Variants in LRP1B observed in about 807,000 individuals in gnomAD.
LRP1B encodes the protein low-density lipoprotein receptor-related protein 1B.
Under a neutral mutation model 556.6 loss-of-function variants are expected in LRP1B, and 217 were observed. The observed-to-expected ratio is 0.39, with a 90% CI of 0.35 to 0.44. The LOEUF is 0.44. Among genes scored for constraint, LRP1B ranks in the 20% least tolerant of loss-of-function variants. LRP1B has a pLI of 1.00. For synonymous variants in LRP1B, 2,047 were observed against 1,865.8 expected (o/e 1.10, Z -2.50); for missense variants, 5,053 against 5,620.8 (o/e 0.90, Z 3.23).
intron 1 of LRP1B, among the ~76,000 whole-genome samples, chr2:142,110,125 C>T (rs927295004): frequency 2.6e-5 from 4 of 152,034 alleles, no homozygotes; most frequent in African/African-American, 9.7e-5. Context: ...CACTTAGAAG[C>T]ATTGAACATG....
chr2:141,715,750 G>A (rs892456552), intron 2 of LRP1B, among the ~76,000 whole-genome samples: 2 of 152,158 alleles, frequency 1.3e-5, no homozygotes, highest in Non-Finnish European at 2.9e-5. Context: ...GGGAGGCAGA[G>A]GTTGTAGTGA....
At position 140,867,812 on chromosome 2, in the gene LRP1B, G is replaced by A. The variant is rs2105154353; in HGVS notation, c.4357C>T (p.Leu1453Phe). 6.4e-7 allele frequency: 1 copy of A among 1,570,430 alleles called. No individual in the cohort carries two copies. Among genetic ancestry groups the A allele is most frequent in the South Asian group, 1.2e-5 (1 of 83,968 alleles). Reference protein sequence around the residue: ...DARSDAIYSALYDGTNMIEII... With the variant: ...DARSDAIYSAFYDGTNMIEII... The stretch of plus-strand genomic sequence containing the variant: ...TCTATCATGTTTGTTCCATCATAGA[G>A]GGCTGAATAAATAGCATCTGACCTA... Residue 1453 changes from leucine (L) to phenylalanine (F), a missense_variant, in exon 27 of 91, where the codon CTC becomes TTC. By Grantham distance (22) the Leu-to-Phe change is conservative. This residue lies in a region of LRP1B where 3,619 missense variants were observed against 3,931.9 expected (regional missense o/e 0.92). Coordinates refer to ENST00000389484, the MANE Select transcript of LRP1B (RefSeq NM_018557.3).
intron 57 of LRP1B, among the ~76,000 whole-genome samples, chr2:140,490,680 A>G (rs762714202): frequency 6.6e-6 from 1 of 152,120 alleles, no homozygotes; most frequent in African/African-American, 2.4e-5. Flanking sequence ...TAAAATTTCT[A>G]TAACACTGTG....
At chr2:141,969,820 T>G (rs1452516191) in intron 1 of LRP1B, among the ~76,000 whole-genome samples, 1 of 151,630 alleles carries the variant, frequency 6.6e-6, no homozygotes, top group Non-Finnish European at 1.5e-5. Flanking sequence ...ATCATATAAT[T>G]CTATTTTTGG....
intron 79 of LRP1B, among the ~76,000 whole-genome samples, chr2:140,327,439 C>G (rs1330645942): frequency 2.6e-5 from 4 of 152,058 alleles, no homozygotes; most frequent in African/African-American, 9.7e-5. Context: ...CTGGTTTCTG[C>G]TCAATTATTA....
At chr2:140,806,980 C>A (rs1274155278) in intron 32 of LRP1B, among the ~76,000 whole-genome samples, 1 of 152,152 alleles carries the variant, frequency 6.6e-6, no homozygotes, top group Non-Finnish European at 1.5e-5. Context: ...ACTGCATATG[C>A]AGAAGGGAAA....
intron 2 of LRP1B, among the ~76,000 whole-genome samples, chr2:141,481,352 T>C (rs1038707982): frequency 2.0e-5 from 3 of 152,138 alleles, no homozygotes; most frequent in African/African-American, 7.2e-5. Flanking sequence ...ATAAGCACTT[T>C]CCAAATCCCC....
intron 7 of LRP1B, among the ~76,000 whole-genome samples, chr2:141,122,034 G>A (rs13403631): frequency 0.33 from 49,875 of 151,878 alleles, 8,613 homozygotes; most frequent in East Asian, 0.64. Flanking sequence ...GGTCTGGGAA[G>A]ACTGGCTAGC....
chr2:140,778,801 A>T (rs939705446), intron 32 of LRP1B, among the ~76,000 whole-genome samples: 1 of 152,102 alleles, frequency 6.6e-6, no homozygotes, highest in Admixed American at 6.5e-5. Context: ...CACATATATG[A>T]ACGCACACAA....
chr2:140,376,235 T>G (rs7583997), intron 68 of LRP1B, among the ~76,000 whole-genome samples: 3,458 of 152,308 alleles, frequency 0.023, 53 homozygotes, highest in African/African-American at 0.036. Flanking sequence ...TGGGATGAGA[T>G]ACATGGTAAT....
intron 2 of LRP1B, among the ~76,000 whole-genome samples, chr2:141,490,664 G>C (rs1193545651): frequency 6.6e-6 from 1 of 151,964 alleles, no homozygotes; most frequent in African/African-American, 2.4e-5. Flanking sequence ...AAAGCAAATA[G>C]ATAAGAAAAT....
intron 2 of LRP1B, among the ~76,000 whole-genome samples, chr2:141,668,964 T>C (rs1690557973): frequency 6.6e-6 from 1 of 152,120 alleles, no homozygotes; most frequent in African/African-American, 2.4e-5. Context: ...GCAATACCCC[T>C]GTGGCACGTC....
intron 2 of LRP1B, among the ~76,000 whole-genome samples, chr2:141,587,172 TA>T (rs1191370565): frequency 6.6e-6 from 1 of 152,196 alleles, no homozygotes; most frequent in African/African-American, 2.4e-5. Context: ...AATACCTGAT[TA>T]TTTTTTGTCT....
intron 6 of LRP1B, among the ~76,000 whole-genome samples, chr2:141,223,357 T>A (rs952722039): frequency 6.6e-6 from 1 of 151,812 alleles, no homozygotes; most frequent in Non-Finnish European, 1.5e-5. Flanking sequence ...TCAAGGAGAA[T>A]TGCAAACAAC....
chr2:140,862,924 C>T lies in LRP1B; in HGVS notation c.4579+4666G>A, dbSNP rs530353755. 6.4e-4 allele frequency among the ~76,000 whole-genome samples: 97 copies of T among 152,284 alleles called. 3 individuals are homozygous for T. The South Asian group carries it at 0.017, about 27-fold the overall frequency. ...GAGCTACGACATATATCTTATCCTA[C>T]ACTCCATAATTGGCACTCCTGGTTC... On this transcript the variant is annotated intron_variant, in intron 27 of 90. Coordinates refer to ENST00000389484, the MANE Select transcript of LRP1B (RefSeq NM_018557.3).
chr2:141,185,683 C>CAAA lies in LRP1B; in HGVS notation c.1013+2735_1013+2737dup, dbSNP rs148935362. ...AAACCATGGAGAACTGAAAAACAAACAAACAAAAAAAAACAAAAAAAAAAA... is the reference window on the plus strand; with the variant it reads ...AAACCATGGAGAACTGAAAAACAAACAAAAAACAAAAAAAAACAAAAAAAAAAA... On this transcript the variant is annotated intron_variant, in intron 7 of 90. Transcript: ENST00000389484. Among the ~76,000 whole-genome samples, 114 of 74,294 alleles carry CAAA rather than the reference C, an allele frequency of 1.5e-3. 4 individuals carry two copies. The highest frequency in any genetic ancestry group is 5.0e-3 in the African/African-American group (103 of 20,612). The allele number at this position is 74,294 out of a possible 152,430, so 48.7% of individuals were successfully genotyped here. A position where few individuals can be genotyped will look rare whatever the true frequency, so the allele number is the denominator to read the frequency against.
At chr2:141,451,704 T>G (rs34943179) in intron 3 of LRP1B, among the ~76,000 whole-genome samples, 21,629 of 152,212 alleles carry the variant, frequency 0.14, 1,764 homozygotes, top group South Asian at 0.27. Flanking sequence ...CCTTTTCTAC[T>G]CTCTTATTGT....
At chr2:140,627,531 T>C (rs1291970127) in intron 41 of LRP1B, among the ~76,000 whole-genome samples, 1 of 152,198 alleles carries the variant, frequency 6.6e-6, no homozygotes. Flanking sequence ...AGACTAAGAC[T>C]GCACTGTCAG....
chr2:141,779,272 T>C (rs1695168773), intron 2 of LRP1B, among the ~76,000 whole-genome samples: 1 of 152,176 alleles, frequency 6.6e-6, no homozygotes, highest in Non-Finnish European at 1.5e-5. Flanking sequence ...AATGCTTTCC[T>C]ATTATGTGTC....
Sources: gnomAD v4.1 joint callset for allele counts (sites outside exome capture counted in the v4.1 genomes callset) on GRCh38, gnomAD v4.1.1 for gene constraint, gnomAD v4.1.1 regional missense constraint, MANE v1.5 for transcripts, NCBI Gene and HGNC (gene_info 2026-07-23, HGNC 2026-07-21) for gene names.